Variants in SGO2 observed in about 807,000 individuals in gnomAD.
SGO2 encodes the protein shugoshin-like 2.
A neutral mutation model predicts 99.5 loss-of-function variants in SGO2; 68 were observed. That is an observed-to-expected ratio of 0.68 (90% CI 0.56 to 0.84). The LOEUF (loss-of-function observed/expected upper bound fraction) is 0.84. SGO2 is among the 40% of genes least tolerant of loss of function. The pLI is 0.00. For synonymous variants in SGO2, 457 were observed against 487.1 expected (o/e 0.94, Z 0.81); for missense variants, 1,350 against 1,436.7 (o/e 0.94, Z 0.97).
intron 5 of SGO2, among the ~76,000 whole-genome samples, chr2:200,558,153 G>A (rs1051323430): frequency 6.6e-6 from 1 of 152,042 alleles, no homozygotes; most frequent in Non-Finnish European, 1.5e-5. Context: ...GTGAGCCACC[G>A]TGCCCGGCCA....
chr2:200,553,927 G>A (rs2032598513), intron 5 of SGO2, among the ~76,000 whole-genome samples: 1 of 152,148 alleles, frequency 6.6e-6, no homozygotes, highest in Non-Finnish European at 1.5e-5. Flanking sequence ...TGTACACAAG[G>A]TATGAGGCCA....
At chr2:200,539,628 A>C (rs62279325) in intron 4 of SGO2, among the ~76,000 whole-genome samples, 1,685 of 151,646 alleles carry the variant, frequency 0.011, 36 homozygotes, top group African/African-American at 0.038. Context: ...CAATACTTTC[A>C]ATTTTTTAAA....
intron 8 of SGO2, among the ~76,000 whole-genome samples, chr2:200,577,629 T>C (rs1021057026): frequency 6.6e-6 from 1 of 152,170 alleles, no homozygotes; most frequent in East Asian, 1.9e-4. Flanking sequence ...CACATTGCAT[T>C]TAGTTGTTGT....
At chr2:200,559,708 A>T (rs889637315) in intron 5 of SGO2, among the ~76,000 whole-genome samples, 2 of 152,098 alleles carry the variant, frequency 1.3e-5, no homozygotes, top group Non-Finnish European at 2.9e-5. Flanking sequence ...CTACAGGCAT[A>T]CATCATCAGT....
Position 200,573,527 on chromosome 2 carries a change from G to A in SGO2, c.3181G>A (p.Glu1061Lys), listed in dbSNP as rs2106347068. 1 of 1,611,560 alleles carries A rather than the reference G, an allele frequency of 6.2e-7. No individual in the cohort carries two copies. Among genetic ancestry groups the A allele is most frequent in the Non-Finnish European group, 8.5e-7 (1 of 1,179,048 alleles). Residue 1061 changes from glutamate (E) to lysine (K), a missense_variant, in exon 7 of 9, where the codon GAA (glutamate) becomes AAA (lysine). By Grantham distance (56) the Glu-to-Lys change is moderately conservative. Coordinates refer to ENST00000357799, the MANE Select transcript of SGO2 (RefSeq NM_152524.6). ...LNKKDLPFVE[E>K]IKEGECQVKK... ...TAAAAAAGATCTCCCTTTTGTGGAA[G>A]AAATAAAAGAAGGAGAGTGTCAGGT...
chr2:200,576,866 T>TC (rs2106351074), intron 8 of SGO2, among the ~76,000 whole-genome samples: 1 of 152,332 alleles, frequency 6.6e-6, no homozygotes, highest in African/African-American at 2.4e-5. Flanking sequence ...ATAGCATGTA[T>TC]CAGTATTTCA....
At position 200,571,705 on chromosome 2, in the gene SGO2, T is replaced by C. The variant is rs1304643311; in HGVS notation, c.1359T>C (p.Asn453=). 5.0e-5 allele frequency: 81 copies of C among 1,613,610 alleles called. No homozygotes were observed. The highest frequency in any genetic ancestry group is 6.8e-5 in the Non-Finnish European group (80 of 1,179,714). ...CAGAAGATCCCGGTTTTATTTTCAA[T>C]AATGAACAGCTGGCTCAGATGAATG... ...RGAEDPGFIF[N]NEQLAQMNEQ... is the part of the protein sequence containing the mutation. The change falls in exon 7 of 9, where the codon AAT becomes AAC. Residue 453 remains asparagine, a synonymous_variant. Coordinates refer to ENST00000357799, the MANE Select transcript of SGO2 (RefSeq NM_152524.6).
intron 5 of SGO2, among the ~76,000 whole-genome samples, chr2:200,561,976 A>C (rs1245745139): frequency 6.6e-6 from 1 of 152,018 alleles, no homozygotes; most frequent in East Asian, 1.9e-4. Context: ...AGATGAGTAG[A>C]TTGCAAAAAT....
chr2:200,544,698 T>TCTATCTAG, intron 5 of SGO2, among the ~76,000 whole-genome samples: 1 of 151,480 alleles, frequency 6.6e-6, no homozygotes, highest in Admixed American at 6.6e-5. Context: ...GGGAGATCTA[T>TCTATCTAG]CTATCTATCT....
intron 1 of SGO2, among the ~76,000 whole-genome samples, chr2:200,532,074 A>G (rs1238856018): frequency 6.6e-6 from 1 of 152,124 alleles, no homozygotes. Flanking sequence ...ACAGGACCAG[A>G]TGAGGAATGT....
intron 4 of SGO2, among the ~76,000 whole-genome samples, chr2:200,540,173 G>A (rs1455914562): frequency 6.6e-6 from 1 of 152,038 alleles, no homozygotes; most frequent in Non-Finnish European, 1.5e-5. Context: ...ATCTTTGTCA[G>A]ATAATTCCAA....
rs2033910421 is a variant in SGO2 at position 200,583,731 on chromosome 2, A to ACT, written c.*267_*268insCT. 3.8e-6 allele frequency: 1 copy of ACT among 260,616 alleles called. No homozygotes were observed. The highest frequency in any genetic ancestry group is 2.2e-5 in the African/African-American group (1 of 44,910). 16.1% of individuals were successfully genotyped at this position (260,616 alleles called of 1,614,324 possible). ...TTATTTAAGCTTCTTTTTACCTAGT[A>ACT]GCCTTTAACCAAACAATAACCTTTT... is the stretch of plus-strand genomic sequence containing the variant. On this transcript the variant is annotated 3_prime_UTR_variant, in exon 9 of 9. Coordinates refer to ENST00000357799, the MANE Select transcript of SGO2 (RefSeq NM_152524.6).
chr2:200,573,834 G>A lies in SGO2; in HGVS notation c.3488G>A (p.Ser1163Asn). The A allele has an allele frequency of 4.3e-6, 7 of 1,613,152 alleles. No individual in the cohort carries two copies. The highest frequency in any genetic ancestry group is 5.9e-6 in the Non-Finnish European group (7 of 1,179,424). Reference sequence around the variant, plus strand: ...GTTCGTGAAGGTTTAGTACCTTTGAGCGTTTCTTCTGGTAAAAATGTGATA... The same window carrying A: ...GTTCGTGAAGGTTTAGTACCTTTGAACGTTTCTTCTGGTAAAAATGTGATA... ...DSVREGLVPL[S>N]VSSGKNVIIK... Residue 1163 changes from serine (S) to asparagine (N), a missense_variant, in exon 7 of 9, where the codon AGC becomes AAC. By Grantham distance (46) the Ser-to-Asn change is conservative. Coordinates refer to ENST00000357799, the MANE Select transcript of SGO2 (RefSeq NM_152524.6).
At chr2:200,545,393 C>A (rs373466585) in intron 5 of SGO2, among the ~76,000 whole-genome samples, 182 of 152,250 alleles carry the variant, frequency 1.2e-3, no homozygotes, top group African/African-American at 4.2e-3. Context: ...TTATGAAATC[C>A]AACTTTGTTT....
At chr2:200,549,413 A>G (rs1050184801) in intron 5 of SGO2, among the ~76,000 whole-genome samples, 1 of 152,234 alleles carries the variant, frequency 6.6e-6, no homozygotes, top group Admixed American at 6.5e-5. Context: ...CAAGGCCAGC[A>G]TTACCCTAAT....
In SGO2 at chr2:200,571,106, A is replaced by T; in HGVS notation, c.760A>T (p.Asn254Tyr). The T allele has an allele frequency of 1.2e-6, 2 of 1,612,744 alleles. No individual in the cohort carries two copies. Among genetic ancestry groups the T allele is most frequent in the African/African-American group, 1.3e-5 (1 of 74,966 alleles). The change falls in exon 7 of 9, where the codon AAC becomes TAC. Residue 254 changes from asparagine to tyrosine, a missense_variant. Coordinates refer to ENST00000357799, the MANE Select transcript of SGO2 (RefSeq NM_152524.6). ...SKTSLMSEMR[N>Y]AQSIGRRWEK... ...GACTTCTCTAATGAGTGAGATGAGA[A>T]ACGCCCAGTCTATTGGCCGCAGATG...
At chr2:200,532,298 T>TAAAAAAAAA in intron 1 of SGO2, 1 of 515,028 alleles carries the variant, frequency 1.9e-6, no homozygotes, top group Non-Finnish European at 2.5e-6. Flanking sequence ...TTTTTTTTTT[T>TAAAAAAAAA]TCAGATCTCT....
rs2106344920 is a variant in SGO2, at chr2:200,572,385, A to G, written c.2039A>G (p.Gln680Arg). 2 of 1,613,556 alleles carry G rather than the reference A, an allele frequency of 1.2e-6. No homozygotes were observed. Among genetic ancestry groups the G allele is most frequent in the South Asian group, 2.2e-5 (2 of 91,024 alleles). Residue 680 changes from glutamine to arginine, a missense_variant, in exon 7 of 9, where the codon CAA becomes CGA. Physicochemically the swap from Gln to Arg is conservative, Grantham distance 43 (BLOSUM62 1). Transcript: ENST00000357799. ...PALSTRDNEN[Q>R]CDYRTQNVLG... ...CTTTCTACTAGAGATAATGAAAATCAATGTGACTATAGGACCCAGAATGTG... is the reference window on the plus strand; with the variant it reads ...CTTTCTACTAGAGATAATGAAAATCGATGTGACTATAGGACCCAGAATGTG...
chr2:200,558,361 A>G lies in SGO2; in HGVS notation c.474-11302A>G, dbSNP rs538177428. On this transcript the variant is annotated intron_variant, in intron 5 of 8. Coordinates refer to ENST00000357799, the MANE Select transcript of SGO2 (RefSeq NM_152524.6). ...CATGAATAACTACTGAATTTTATCAAACGCTTTTTCTGTCACTATTGAGTA... is the reference window on the plus strand; with the variant it reads ...CATGAATAACTACTGAATTTTATCAGACGCTTTTTCTGTCACTATTGAGTA... 2.5e-3 allele frequency among the ~76,000 whole-genome samples: 373 copies of G among 152,000 alleles called. 5 individuals carry two copies. Among genetic ancestry groups the G allele is most frequent in the Admixed American group, 0.019 (295 of 15,282 alleles).
Sources: gnomAD v4.1 joint callset for allele counts (sites outside exome capture counted in the v4.1 genomes callset) on GRCh38, gnomAD v4.1.1 for gene constraint, MANE v1.5 for transcripts, NCBI Gene and HGNC (gene_info 2026-07-23, HGNC 2026-07-21) for gene names.